The following TLE2 variants were observed in gnomAD, a reference collection of about 807,000 sequenced individuals.
The protein encoded by TLE2 is TLE family member 2, transcriptional corepressor, also known as transducin-like enhancer protein 2.
Under a neutral mutation model 97.2 loss-of-function variants are expected in TLE2, and 74 were observed. The ratio of observed to expected loss-of-function variants is 0.76; its 90% confidence interval spans 0.63 to 0.92. The LOEUF is 0.92. Ranked by LOEUF, TLE2 falls within the 40% of genes least tolerant of loss-of-function variation. The pLI, the probability that TLE2 is intolerant of heterozygous loss-of-function variation, is 0.00. For missense variants in TLE2, 1,038 were observed against 1,008.7 expected, an observed-to-expected ratio of 1.03 and a Z score of -0.39; for synonymous variants, 499 against 432.1, an observed-to-expected ratio of 1.15 and a Z score of -1.92.
intron 3 of TLE2, 126 bp from the exon 4 acceptor site, chr19:3,027,999 C>A: frequency 1.0e-6 from 1 of 970,336 alleles, no homozygotes; most frequent in Non-Finnish European, 1.6e-6. Flanking sequence ...CAGAGCCCCC[C>A]CCAGCTCCAC....
rs914749871 is a variant in TLE2, at chr19:3,044,560, C to T, written c.63+1166G>A. The stretch of plus-strand genomic sequence containing the variant: ...TCAGCTTCCTGAGTTGCTGGGATTA[C>T]AGGTGTGCGCCACCACGCCCGGCTA... On this transcript the variant is annotated intron_variant, in intron 1 of 18. Transcript: ENST00000426948. Among the ~76,000 whole-genome samples, 3 of 152,338 alleles carry T rather than the reference C, an allele frequency of 2.0e-5. No individual in the cohort carries two copies. In the South Asian group the frequency reaches 6.2e-4, roughly 32 times the overall value.
chr19:3,027,823 A>T lies in TLE2; in HGVS notation c.231+6T>A. On this transcript the variant is annotated splice_donor_region_variant and intron_variant, in intron 4 of 19. Coordinates refer to ENST00000262953, the MANE Select transcript of TLE2 (RefSeq NM_003260.5). ...TCCTGAACACGCGTAACCCCAACCC[A>T]GTTACCTGCTTATGCATTTCAATGT... is the stretch of plus-strand genomic sequence containing the variant. 6.2e-7 allele frequency: 1 copy of T among 1,610,930 alleles called. No individual in the cohort carries two copies. Among genetic ancestry groups the T allele is most frequent in the Non-Finnish European group, 8.5e-7 (1 of 1,178,800 alleles).
upstream of TLE2, among the ~76,000 whole-genome samples, chr19:3,047,270 G>C (rs898662213): frequency 2.8e-5 from 4 of 143,704 alleles, no homozygotes; most frequent in South Asian, 2.3e-4. Flanking sequence ...CGTTAAGCGC[G>C]GGGCGGCCGC....
At position 3,009,556 on chromosome 19, in the gene TLE2, C is replaced by T. The variant is rs553611807; in HGVS notation, c.1159G>A (p.Gly387Arg). 13 of 1,610,226 alleles carry T rather than the reference C, an allele frequency of 8.1e-6. No homozygotes were observed. The highest frequency in any genetic ancestry group is 3.4e-5 in the Admixed American group (2 of 59,422). ...SPQVSSSVVY[G>R]RSPVMAFESH... ...CAAGGACTCACCACGGGGGAGCGTC[C>T]GTACACCACAGAGCTGCTGACCTGG... The change falls in exon 13 of 20, where the codon GGA (glycine) becomes AGA (arginine). Residue 387 changes from glycine to arginine, a missense_variant. Transcript: ENST00000262953.
chr19:3,041,013 A>ATATATAT (rs1555695656), intron 1 of TLE2, among the ~76,000 whole-genome samples: 2 of 28,976 alleles, frequency 6.9e-5, no homozygotes, highest in African/African-American at 3.1e-4. Flanking sequence ...ATATATATAT[A>ATATATAT]TTTTTTTTTT....
chr19:3,024,852 G>C (rs531706048), intron 5 of TLE2, among the ~76,000 whole-genome samples, 168 bp downstream of exon 5: 1 of 152,308 alleles, frequency 6.6e-6, no homozygotes, highest in Non-Finnish European at 1.5e-5. Flanking sequence ...CTGCCCCAGC[G>C]GGATGCCTGG....
chr19:3,019,863 C>T lies in TLE2; in HGVS notation c.295-90G>A. ...GGGGACCTGACCTCTCCCCGCCACC[C>T]TCTCATCTTTGCCCCGGTACTTCCC... On this transcript the variant is annotated intron_variant, in intron 5 of 19. Coordinates refer to ENST00000262953, the MANE Select transcript of TLE2 (RefSeq NM_003260.5). The surrounding 1 kb of genome is among the most constrained non-coding windows in gnomAD (Gnocchi z 5.1). 1 of 1,481,074 alleles carries T rather than the reference C, an allele frequency of 6.8e-7. No homozygotes were observed. The highest frequency in any genetic ancestry group is 2.5e-5 in the East Asian group (1 of 40,292). 91.7% of individuals were successfully genotyped at this position (1,481,074 alleles called of 1,614,324 possible).
At chr19:3,028,443 T>G (rs2089983016) in intron 2 of TLE2, 61 bp from the exon 3 acceptor site, 39 of 1,505,514 alleles carry the variant, frequency 2.6e-5, no homozygotes, top group Non-Finnish European at 3.2e-5. Context: ...GCTTCCAAAG[T>G]GAGAGGCTGG....
chr19:3,033,036 C>T (rs570616672), upstream of TLE2, among the ~76,000 whole-genome samples: 8 of 151,422 alleles, frequency 5.3e-5, no homozygotes, highest in South Asian at 1.3e-3. Flanking sequence ...CAGTTTCAAG[C>T]GATTCTCTTG....
At chr19:3,012,953 C>G (rs1011112749) in intron 11 of TLE2, among the ~76,000 whole-genome samples, 3 of 152,096 alleles carry the variant, frequency 2.0e-5, no homozygotes, top group African/African-American at 7.2e-5. Context: ...TGACCCATCC[C>G]CTTGTAAGGT....
chr19:3,020,095 C>T (rs951550595), intron 5 of TLE2: 126 of 324,318 alleles, frequency 3.9e-4, no homozygotes, highest in African/African-American at 2.4e-3. Context: ...CCAGCCTGGC[C>T]AACATGGTGA....
Position 3,029,087 on chromosome 19 carries a change from T to A in TLE2, c.-183A>T. The A allele has an allele frequency of 1.6e-6, 2 of 1,260,536 alleles. No individual in the cohort carries two copies. The highest frequency in any genetic ancestry group is 2.0e-6 in the Non-Finnish European group (2 of 1,001,092). 78.1% of individuals were successfully genotyped at this position (1,260,536 alleles called of 1,614,324 possible). A position where few individuals can be genotyped will look rare whatever the true frequency, so the allele number is the denominator to read the frequency against. On this transcript the variant is annotated 5_prime_UTR_variant, in exon 1 of 20. Coordinates refer to ENST00000262953, the MANE Select transcript of TLE2 (RefSeq NM_003260.5). The stretch of plus-strand genomic sequence containing the variant: ...CGCCCCCAAGCGCGCGCGCCCGGGG[T>A]CGTGGGAGCCCCTCCCCGGGTTGGG...
intron 5 of TLE2, 82 bp downstream of exon 5, chr19:3,024,938 G>A (rs2089914543): frequency 8.1e-7 from 1 of 1,239,582 alleles, no homozygotes; most frequent in South Asian, 1.4e-5. Context: ...ATCAGTGCCT[G>A]GGGCGTCCTC....
At chr19:3,023,912 GAAAAGA>G (rs2089895010) in intron 5 of TLE2, among the ~76,000 whole-genome samples, 1 of 98,102 alleles carries the variant, frequency 1.0e-5, no homozygotes. Context: ...ACACACAAAA[GAAAAGA>G]AAAAGAAAAA....
In TLE2 at chr19:3,024,543, T is replaced by C. The variant is rs544884656; in HGVS notation, c.294+477A>G. On this transcript the variant is annotated intron_variant, in intron 5 of 19. Coordinates refer to ENST00000262953, the MANE Select transcript of TLE2 (RefSeq NM_003260.5). ...GACCTCCTAGGAGTGGATCACCCAG[T>C]GTTTGTCCCTCAGTGACTTCTTCTA... 4.6e-5 allele frequency among the ~76,000 whole-genome samples: 7 copies of C among 151,586 alleles called. No homozygotes were observed. In the South Asian group the frequency reaches 1.5e-3, roughly 32 times the overall value.
chr19:3,043,333 C>T (rs566592220), intron 1 of TLE2, among the ~76,000 whole-genome samples: 11 of 142,778 alleles, frequency 7.7e-5, no homozygotes, highest in Non-Finnish European at 1.1e-4. Context: ...GGATTATAGG[C>T]GTGAGCCATG....
rs979739336 is a variant in TLE2 at position 3,019,015 on chromosome 19, C to T, written c.550+268G>A. Among the ~76,000 whole-genome samples the T allele has an allele frequency of 6.6e-6, 1 of 152,168 alleles. No individual in the cohort carries two copies. Among genetic ancestry groups the T allele is most frequent in the East Asian group, 1.9e-4 (1 of 5,198 alleles). On this transcript the variant is annotated intron_variant, in intron 7 of 19. Transcript: ENST00000262953. The surrounding 1 kb of genome is among the most constrained non-coding windows in gnomAD (Gnocchi z 5.1). ...CCGGCCTCAAGTGATCCTCCTGCCT[C>T]GGCCTCCTAAGTACCTGGGAATACA...
intron 12 of TLE2, among the ~76,000 whole-genome samples, chr19:3,009,922 G>A (rs1174255007): frequency 6.7e-6 from 1 of 148,742 alleles, no homozygotes; most frequent in Non-Finnish European, 1.5e-5. Flanking sequence ...ATCTTGCTCT[G>A]TCGCCAGGCT....
intron 5 of TLE2, among the ~76,000 whole-genome samples, chr19:3,021,436 T>A (rs2145188170): frequency 6.6e-6 from 1 of 152,152 alleles, no homozygotes; most frequent in South Asian, 2.1e-4. Flanking sequence ...ATGTTGTATT[T>A]TTGCTGTTCC....
Sources: gnomAD v4.1 joint callset for allele counts (sites outside exome capture counted in the v4.1 genomes callset) on GRCh38, gnomAD v4.1.1 for gene constraint, Gnocchi (gnomAD v3.1) non-coding constraint, MANE v1.5 for transcripts, NCBI Gene and HGNC (gene_info 2026-07-23, HGNC 2026-07-21) for gene names.